EYS: variants seen among roughly 807,000 people sequenced by gnomAD.
EYS encodes EGF-like photoreceptor maintenance factor.
EYS carries 250 observed loss-of-function variants against 282.1 expected under a neutral mutation model. The ratio of observed to expected loss-of-function variants is 0.89; its 90% confidence interval spans 0.80 to 0.98. The LOEUF (loss-of-function observed/expected upper bound fraction) is 0.98, where lower values mean the gene tolerates loss of function less well. Among genes scored for constraint, EYS ranks in the 50% least tolerant of loss-of-function variants. The probability of loss-of-function intolerance (pLI) is 0.00; values close to 1 mark genes in which losing one functional copy is unlikely to be tolerated. For synonymous variants in EYS, 1,355 were observed against 1,282.9 expected, an observed-to-expected ratio of 1.06 and a Z score of -1.20; for missense variants, 4,016 against 3,709.0, an observed-to-expected ratio of 1.08 and a Z score of -2.15.
chr6:65,552,485 C>T (rs1768630508), intron 2 of EYS, among the ~76,000 whole-genome samples: 2 of 152,040 alleles, frequency 1.3e-5, no homozygotes, highest in Non-Finnish European at 2.9e-5. Flanking sequence ...AATAATTTTA[C>T]TTTAAACTGC....
At chr6:64,312,065 G>C (rs1274648461) in intron 29 of EYS, among the ~76,000 whole-genome samples, 2 of 151,190 alleles carry the variant, frequency 1.3e-5, no homozygotes, top group African/African-American at 4.9e-5. Context: ...CTGAAACCAG[G>C]GAGTCAAGTG....
chr6:65,418,374 A>G (rs1400171445), intron 5 of EYS, among the ~76,000 whole-genome samples: 1 of 152,014 alleles, frequency 6.6e-6, no homozygotes, highest in African/African-American at 2.4e-5. Context: ...ATTTCCAATA[A>G]CACTGTAAAA....
intron 22 of EYS, among the ~76,000 whole-genome samples, chr6:64,748,251 A>G (rs1253464892): frequency 2.0e-5 from 3 of 152,264 alleles, no homozygotes; most frequent in Non-Finnish European, 4.4e-5. Flanking sequence ...CACATTTCAA[A>G]TATGCTGGCA....
chr6:65,221,655 C>G (rs1053346422), intron 12 of EYS, among the ~76,000 whole-genome samples: 9 of 152,330 alleles, frequency 5.9e-5, no homozygotes, highest in African/African-American at 2.2e-4. Context: ...GGAGCCCCCA[C>G]ACAGAGTGCC....
At chr6:63,834,972 C>T (rs181066498) in intron 36 of EYS, among the ~76,000 whole-genome samples, 9 of 144,238 alleles carry the variant, frequency 6.2e-5, no homozygotes, top group African/African-American at 2.3e-4. Context: ...AAACACCACA[C>T]GTTCTCACTC....
intron 31 of EYS, among the ~76,000 whole-genome samples, chr6:64,185,828 T>A (rs1278861195): frequency 6.6e-6 from 1 of 152,164 alleles, no homozygotes; most frequent in Non-Finnish European, 1.5e-5. Context: ...CTTCCAGATG[T>A]GCTATTCACT....
chr6:64,967,047 T>C (rs1770118139), intron 14 of EYS, among the ~76,000 whole-genome samples: 1 of 152,160 alleles, frequency 6.6e-6, no homozygotes, highest in Non-Finnish European at 1.5e-5. Context: ...TTACATGAAA[T>C]TATTTTTTCT....
chr6:64,017,497 C>T (rs1009205932), intron 33 of EYS, among the ~76,000 whole-genome samples: 2 of 152,132 alleles, frequency 1.3e-5, no homozygotes, highest in Non-Finnish European at 2.9e-5. Flanking sequence ...GTCTGTTTTT[C>T]TCTCTGGCCT....
intron 32 of EYS, among the ~76,000 whole-genome samples, chr6:64,075,755 T>C (rs1771751002): frequency 6.6e-6 from 1 of 151,982 alleles, no homozygotes; most frequent in East Asian, 1.9e-4. Flanking sequence ...GTCACTTATT[T>C]CAGGCCTGCC....
chr6:64,652,048 G>T (rs1768582058), intron 22 of EYS, among the ~76,000 whole-genome samples: 1 of 152,178 alleles, frequency 6.6e-6, no homozygotes, highest in African/African-American at 2.4e-5. Context: ...ACAAAAATTT[G>T]CATTTACTTT....
intron 31 of EYS, among the ~76,000 whole-genome samples, chr6:64,200,341 A>G (rs908414784): frequency 2.6e-5 from 4 of 152,184 alleles, no homozygotes; most frequent in Admixed American, 2.6e-4. Flanking sequence ...TTTAGTTAAC[A>G]ATAGTATATT....
intron 36 of EYS, among the ~76,000 whole-genome samples, chr6:63,839,020 A>C (rs1200377637): frequency 1.3e-5 from 2 of 152,204 alleles, no homozygotes; most frequent in Non-Finnish European, 2.9e-5. Context: ...CAAATTGGGA[A>C]TTAGCATATT....
At position 65,327,730 on chromosome 6, in the gene EYS, T is replaced by C. The variant is rs1027279860; in HGVS notation, c.1766+7250A>G. 5.3e-5 allele frequency among the ~76,000 whole-genome samples: 8 copies of C among 151,604 alleles called. 1 individual carries two copies. The highest frequency in any genetic ancestry group is 1.7e-4 in the African/African-American group (7 of 41,414). On this transcript the variant is annotated intron_variant, in intron 11 of 42. Transcript: ENST00000503581. ...AGACCACTAATTTACAAGACCACTA[T>C]TTCTATACAAAAAATACTAAGGAAT...
intron 2 of EYS, among the ~76,000 whole-genome samples, chr6:65,604,053 C>A (rs76645212): frequency 2.0e-5 from 3 of 151,348 alleles, no homozygotes; most frequent in Non-Finnish European, 4.4e-5. Flanking sequence ...GCAATAGATG[C>A]GGAAAAAATA....
chr6:64,592,945 T>C (rs1277682193), intron 25 of EYS, among the ~76,000 whole-genome samples, 172 bp downstream of exon 25: 1 of 152,088 alleles, frequency 6.6e-6, no homozygotes, highest in Non-Finnish European at 1.5e-5. Context: ...GCAAACAACA[T>C]TGTTTAAAAC....
At chr6:64,573,339 A>G (rs1765782797) in intron 26 of EYS, among the ~76,000 whole-genome samples, 1 of 152,146 alleles carries the variant, frequency 6.6e-6, no homozygotes, top group South Asian at 2.1e-4. Context: ...AAACCTAGGC[A>G]ATCAATACCA....
chr6:65,426,713 C>A (rs1313938239), intron 5 of EYS, among the ~76,000 whole-genome samples: 3 of 152,016 alleles, frequency 2.0e-5, no homozygotes, highest in Non-Finnish European at 4.4e-5. Flanking sequence ...TTACTATATA[C>A]CCTTCTACAC....
chr6:64,662,485 A>G (rs1018026314), intron 22 of EYS, among the ~76,000 whole-genome samples: 1 of 152,136 alleles, frequency 6.6e-6, no homozygotes, highest in Non-Finnish European at 1.5e-5. Flanking sequence ...AAATAACCCC[A>G]AAGTTATAAT....
chr6:65,459,443 G>T (rs1261188249), intron 5 of EYS, among the ~76,000 whole-genome samples: 3 of 151,810 alleles, frequency 2.0e-5, no homozygotes, highest in African/African-American at 7.3e-5. Flanking sequence ...GAAACAAAAT[G>T]ACTAAAGAAC....
Sources: gnomAD v4.1 joint callset for allele counts (sites outside exome capture counted in the v4.1 genomes callset) on GRCh38, gnomAD v4.1.1 for gene constraint, MANE v1.5 for transcripts, NCBI Gene and HGNC (gene_info 2026-07-23, HGNC 2026-07-21) for gene names.